TRIM49B: variants seen among roughly 807,000 people sequenced by gnomAD.
TRIM49B encodes putative tripartite motif-containing protein 49B.
TRIM49B carries 18 observed loss-of-function variants against 31.8 expected under a neutral mutation model. That is an observed-to-expected ratio of 0.57 (90% CI 0.39 to 0.84). The LOEUF (loss-of-function observed/expected upper bound fraction) is 0.84, where lower values mean the gene tolerates loss of function less well. Ranked by LOEUF, TRIM49B falls within the 40% of genes least tolerant of loss-of-function variation. TRIM49B has a pLI of 0.00. For missense variants in TRIM49B, 494 were observed against 538.7 expected, an observed-to-expected ratio of 0.92 and a Z score of 0.82; for synonymous variants, 196 against 180.6, an observed-to-expected ratio of 1.09 and a Z score of -0.68.
At position 49,037,601 on chromosome 11, in the gene TRIM49B, T is replaced by A. The variant is rs1262784602; in HGVS notation, c.983T>A (p.Phe328Tyr). ...TATTTCACTGCAACACCTAGAAGTTTTCTTGCATGGGGTGCTCAGACTTTC... is the reference window on the plus strand; with the variant it reads ...TATTTCACTGCAACACCTAGAAGTTATCTTGCATGGGGTGCTCAGACTTTC... Reference protein sequence around the residue: ...VPYFTATPRSFLAWGAQTFTS... With the variant: ...VPYFTATPRSYLAWGAQTFTS... The change falls in exon 7 of 7, where the codon TTT (phenylalanine) becomes TAT (tyrosine). Residue 328 changes from phenylalanine to tyrosine, a missense_variant. Phe to Tyr is a conservative substitution (Grantham distance 22, BLOSUM62 3). Coordinates refer to ENST00000332682, the MANE Select transcript of TRIM49B (RefSeq NM_001206626.2). 1 of 1,614,010 alleles carries A rather than the reference T, an allele frequency of 6.2e-7. No individual in the cohort carries two copies. The highest frequency in any genetic ancestry group is 8.5e-7 in the Non-Finnish European group (1 of 1,179,994).
chr11:49,035,593 C>T (rs1296487096), intron 5 of TRIM49B, among the ~76,000 whole-genome samples: 1 of 151,768 alleles, frequency 6.6e-6, no homozygotes, highest in Non-Finnish European at 1.5e-5. Context: ...CTCCTGACCC[C>T]GTGATCCGCC....
intron 1 of TRIM49B, among the ~76,000 whole-genome samples, chr11:49,031,113 TG>T (rs1854439469): frequency 6.6e-6 from 1 of 152,010 alleles, no homozygotes; most frequent in African/African-American, 2.4e-5. Context: ...TGTGCCATGG[TG>T]GTTTGCTGCC....
chr11:49,037,810 C>A lies in TRIM49B; in HGVS notation c.1192C>A (p.Leu398Met), dbSNP rs2696914. 1,291,558 of 1,613,704 alleles carry A rather than the reference C, an allele frequency of 0.8. 521,307 individuals are homozygous for A. The highest frequency in any genetic ancestry group is 0.86 in the African/African-American group (64,293 of 74,964). Residue 398 changes from leucine (L) to methionine (M), a missense_variant, in exon 7 of 7, where the codon CTG (leucine) becomes ATG (methionine). Around this residue, in one of 3 missense-constraint regions of TRIM49B, gnomAD observed 233 missense variants for 281.4 expected, o/e 0.83. Transcript: ENST00000332682. ...CAGTCTCTTTACCACCTCCCCACTT[C>A]TGCTGCAATATATCCCAAGACCTAC... ...QRSLFTTSPL[L>M]LQYIPRPTSR...
rs1295044924 is a variant in TRIM49B, at chr11:49,037,972, T to C, written c.1354T>C (p.Phe452Leu). 5.0e-6 allele frequency: 8 copies of C among 1,607,886 alleles called. No individual in the cohort carries two copies. In the Admixed American group the frequency reaches 1.0e-4, roughly 20 times the overall value. The change falls in exon 7 of 7, where the codon TTC (phenylalanine) becomes CTC (leucine). Residue 452 changes from phenylalanine (F) to leucine (L), a missense_variant. Transcript: ENST00000332682. ...CAGGCCTATCTTTTGCTGTATTCAC[T>C]TCTGACCAGAGACAAATCAGAAATG... ...PLRPIFCCIHF is the reference protein window; with the variant it reads ...PLRPIFCCIHL
At chr11:49,035,180 T>C (rs1385743208) in intron 5 of TRIM49B, 63 bp downstream of exon 5, 4 of 1,604,808 alleles carry the variant, frequency 2.5e-6, no homozygotes, top group Non-Finnish European at 3.4e-6. Context: ...AAAGCAGGCT[T>C]TATTAAAGTC....
chr11:49,030,692 C>T (rs1170047282), intron 1 of TRIM49B, among the ~76,000 whole-genome samples: 2 of 152,192 alleles, frequency 1.3e-5, no homozygotes, highest in African/African-American at 4.8e-5. Flanking sequence ...ACATATCTCT[C>T]TTCTCTAGAA....
intron 5 of TRIM49B, 131 bp from the exon 6 acceptor site, chr11:49,036,170 G>A: frequency 2.0e-6 from 3 of 1,508,760 alleles, no homozygotes; most frequent in South Asian, 1.2e-5. Flanking sequence ...ATTTGCAAAA[G>A]GAAGGAATAA....
rs542827980 is a variant in TRIM49B at position 49,037,448 on chromosome 11, G to A, written c.860-30G>A. The A allele has an allele frequency of 3.9e-5, 62 of 1,593,544 alleles. No individual in the cohort carries two copies. The South Asian group carries it at 3.9e-4, about 10-fold the overall frequency. ...ACAATTATTTTTTTCTTATTTACAC[G>A]TCTATGCATGTTTTCTCTTTTTTTT... On this transcript the variant is annotated intron_variant, in intron 6 of 6. Transcript: ENST00000332682.
At position 49,037,654 on chromosome 11, in the gene TRIM49B, C is replaced by T; in HGVS notation, c.1036C>T (p.His346Tyr). Residue 346 changes from histidine to tyrosine, a missense_variant, in exon 7 of 7, where the codon CAT becomes TAT. Physicochemically the swap from His to Tyr is moderately conservative, Grantham distance 83 (BLOSUM62 2). This residue lies in a region of TRIM49B where 233 missense variants were observed against 281.4 expected (regional missense o/e 0.83). Coordinates refer to ENST00000332682, the MANE Select transcript of TRIM49B (RefSeq NM_001206626.2). Reference protein sequence around the residue: ...FTSGKYYWEVHVGDSWNWAFG... With the variant: ...FTSGKYYWEVYVGDSWNWAFG... ...CTCGGGCAAATATTACTGGGAGGTC[C>T]ATGTAGGGGACTCCTGGAATTGGGC... 2 of 1,613,878 alleles carry T rather than the reference C, an allele frequency of 1.2e-6. No homozygotes were observed. Among genetic ancestry groups the T allele is most frequent in the Non-Finnish European group, 1.7e-6 (2 of 1,179,868 alleles).
chr11:49,034,192 A>G lies in TRIM49B; in HGVS notation c.554A>G (p.Lys185Arg). The part of the protein sequence containing the change: ...RLEAIRAEYQ[K>R]MPAFHHEEEK... Reference sequence around the variant, plus strand: ...GAAGCAATTAGAGCTGAGTATCAGAAGATGCCTGCATTTCACCATGAAGAA... The same window carrying G: ...GAAGCAATTAGAGCTGAGTATCAGAGGATGCCTGCATTTCACCATGAAGAA... Residue 185 changes from lysine to arginine, a missense_variant, in exon 4 of 7, where the codon AAG becomes AGG. This residue lies in a region of TRIM49B where 251 missense variants were observed against 232.8 expected (regional missense o/e 1.08). Coordinates refer to ENST00000332682, the MANE Select transcript of TRIM49B (RefSeq NM_001206626.2). The G allele has an allele frequency of 1.2e-6, 2 of 1,611,976 alleles. No homozygotes were observed. The highest frequency in any genetic ancestry group is 1.7e-6 in the Non-Finnish European group (2 of 1,179,822).
Position 49,034,288 on chromosome 11 carries a change from C to G in TRIM49B, c.650C>G (p.Ala217Gly), listed in dbSNP as rs965199291. ...DIFHRLHLSK[A>G]KMAHRREILR... ...TTTCATCGACTTCATTTAAGTAAAG[C>G]CAAAATGGCTCATAGGAGGGAGATT... Residue 217 changes from alanine (A) to glycine (G), a missense_variant, in exon 4 of 7, where the codon GCC becomes GGC. Ala to Gly is a moderately conservative substitution (Grantham distance 60). Coordinates refer to ENST00000332682, the MANE Select transcript of TRIM49B (RefSeq NM_001206626.2). The G allele has an allele frequency of 6.2e-7, 1 of 1,611,814 alleles. No homozygotes were observed. The highest frequency in any genetic ancestry group is 1.3e-5 in the African/African-American group (1 of 74,918).
chr11:49,032,917 C>T (rs538326543), intron 3 of TRIM49B, among the ~76,000 whole-genome samples: 13 of 152,158 alleles, frequency 8.5e-5, no homozygotes, highest in South Asian at 2.1e-4. Flanking sequence ...GTGAGAAATA[C>T]GGATTTGTGT....
rs35810213 is a variant in TRIM49B at position 49,032,549 on chromosome 11, C to T, written c.507+178C>T. Among the ~76,000 whole-genome samples, 1,006 of 151,638 alleles carry T rather than the reference C, an allele frequency of 6.6e-3. 5 individuals carry two copies. Among genetic ancestry groups the T allele is most frequent in the Middle Eastern group, 0.028 (8 of 290 alleles). On this transcript the variant is annotated intron_variant, in intron 3 of 6. Transcript: ENST00000332682. ...CCTCATTTTTATATAGAATAGTATG[C>T]CTGTTAGGTAGGATTTCTAAGAAAA... is the stretch of plus-strand genomic sequence containing the variant.
intron 4 of TRIM49B, 148 bp from the exon 5 acceptor site, chr11:49,034,947 A>G: frequency 2.9e-6 from 4 of 1,397,898 alleles, no homozygotes; most frequent in Non-Finnish European, 3.9e-6. Flanking sequence ...TTTTCATTAC[A>G]GAAGAAATGA....
chr11:49,037,792 T>G lies in TRIM49B; in HGVS notation c.1174T>G (p.Phe392Val), dbSNP rs762872806. Residue 392 changes from phenylalanine to valine, a missense_variant, in exon 7 of 7, where the codon TTT becomes GTT. By Grantham distance (50) the Phe-to-Val change is conservative. Transcript: ENST00000332682. ...TAAGAATGACATTCAACGCAGTCTC[T>G]TTACCACCTCCCCACTTCTGCTGCA... ...CVKNDIQRSL[F>V]TTSPLLLQYI... 12 of 1,613,824 alleles carry G rather than the reference T, an allele frequency of 7.4e-6. No homozygotes were observed. The Admixed American group carries it at 1.5e-4, about 20-fold the overall frequency.
intron 5 of TRIM49B, among the ~76,000 whole-genome samples, chr11:49,035,337 T>C (rs894202330): frequency 1.6e-5 from 2 of 128,638 alleles, no homozygotes; most frequent in African/African-American, 5.8e-5. Context: ...ATTTGATTCC[T>C]GATTTTTTTT....
chr11:49,037,304 T>G (rs143406462), intron 6 of TRIM49B, among the ~76,000 whole-genome samples, 174 bp from the exon 7 acceptor site: 1 of 152,090 alleles, frequency 6.6e-6, no homozygotes, highest in Non-Finnish European at 1.5e-5. Context: ...AAACATAATA[T>G]CTGTGGTTAG....
intron 3 of TRIM49B, among the ~76,000 whole-genome samples, chr11:49,032,924 G>T (rs1260059113): frequency 1.3e-5 from 2 of 152,196 alleles, no homozygotes; most frequent in African/African-American, 4.8e-5. Context: ...ATACGGATTT[G>T]TGTCTTGAGG....
In TRIM49B at chr11:49,031,659, C is replaced by A. The variant is rs752106109; in HGVS notation, c.60C>A (p.Asn20Lys). ...AACTCATCTGCCCCATCTGCATGAA[C>A]TACTTCATAGACCCGGTCACCATAG... ...QRELICPICM[N>K]YFIDPVTIDC... is the part of the protein sequence containing the mutation. Residue 20 changes from asparagine to lysine, a missense_variant, in exon 2 of 7, where the codon AAC becomes AAA. By Grantham distance (94) the Asn-to-Lys change is moderately conservative. Around this residue, in one of 3 missense-constraint regions of TRIM49B, gnomAD observed 251 missense variants for 232.8 expected, o/e 1.08. Transcript: ENST00000332682. 3 of 1,614,002 alleles carry A rather than the reference C, an allele frequency of 1.9e-6. No homozygotes were observed. The highest frequency in any genetic ancestry group is 2.2e-5 in the East Asian group (1 of 44,882).
Sources: gnomAD v4.1 joint callset for allele counts (sites outside exome capture counted in the v4.1 genomes callset) on GRCh38, gnomAD v4.1.1 for gene constraint, gnomAD v4.1.1 regional missense constraint, MANE v1.5 for transcripts, NCBI Gene and HGNC (gene_info 2026-07-23, HGNC 2026-07-21) for gene names.